ADAMTS2: variants seen among roughly 807,000 people sequenced by gnomAD.
ADAMTS2 encodes ADAM metallopeptidase with thrombospondin type 1 motif 2.
Under a neutral mutation model 123.0 loss-of-function variants are expected in ADAMTS2, and 50 were observed. The observed-to-expected ratio is 0.41, with a 90% CI of 0.32 to 0.51. The LOEUF is 0.51. Ranked by LOEUF, ADAMTS2 falls within the 20% of genes least tolerant of loss-of-function variation. The pLI is 0.35. For synonymous variants in ADAMTS2, 678 were observed against 695.4 expected, an observed-to-expected ratio of 0.98 and a Z score of 0.39; for missense variants, 1,494 against 1,705.2, an observed-to-expected ratio of 0.88 and a Z score of 2.18.
At chr5:179,329,288 C>T (rs576410783) in intron 2 of ADAMTS2, among the ~76,000 whole-genome samples, 72 of 148,962 alleles carry the variant, frequency 4.8e-4, no homozygotes, top group African/African-American at 1.7e-3. Context: ...GATAGTGCCA[C>T]TGCGCTCCAG....
chr5:179,321,265 C>T (rs371030241), intron 2 of ADAMTS2, among the ~76,000 whole-genome samples: 18 of 152,296 alleles, frequency 1.2e-4, no homozygotes, highest in Non-Finnish European at 1.8e-4. Context: ...TCTACACAAG[C>T]GCACACGTAA....
chr5:179,153,189 T>C (rs1763395905), intron 9 of ADAMTS2, among the ~76,000 whole-genome samples: 1 of 152,098 alleles, frequency 6.6e-6, no homozygotes, highest in Admixed American at 6.5e-5. Flanking sequence ...CCTGCAGGCC[T>C]CCCTTCTTCC....
At position 179,303,896 on chromosome 5, in the gene ADAMTS2, G is replaced by A. The variant is rs1468322151; in HGVS notation, c.535-30832C>T. ...ATTTAACAAGGAGCCGCAGGAAACT[G>A]GACAGGGCTAGGAAGATGGCAGAGA... is the stretch of plus-strand genomic sequence containing the variant. On this transcript the variant is annotated intron_variant, in intron 2 of 21. Transcript: ENST00000251582. This position sits in a 1 kb window ranked among gnomAD's most constrained non-coding sequence, Gnocchi z 4.7. Among the ~76,000 whole-genome samples, 2 of 152,200 alleles carry A rather than the reference G, an allele frequency of 1.3e-5. No homozygotes were observed. Among genetic ancestry groups the A allele is most frequent in the Non-Finnish European group, 2.9e-5 (2 of 68,042 alleles).
At chr5:179,207,808 C>G in intron 3 of ADAMTS2, 93 bp from the exon 4 acceptor site, 1 of 1,102,346 alleles carries the variant, frequency 9.1e-7, no homozygotes, top group Non-Finnish European at 1.4e-6. Flanking sequence ...TCATTTAAAA[C>G]TCATAGCACC....
intron 2 of ADAMTS2, among the ~76,000 whole-genome samples, chr5:179,338,653 G>A (rs572174491): frequency 1.2e-4 from 18 of 152,344 alleles, no homozygotes; most frequent in African/African-American, 2.4e-4. Context: ...ACCAGGTCAC[G>A]GGGGCCTTGA....
At chr5:179,302,676 T>G (rs1756564422) in intron 2 of ADAMTS2, among the ~76,000 whole-genome samples, 1 of 150,776 alleles carries the variant, frequency 6.6e-6, no homozygotes, top group Non-Finnish European at 1.5e-5. Flanking sequence ...AAAGAGGAAG[T>G]CGACAGAGAG....
chr5:179,205,609 T>G (rs975120698), intron 4 of ADAMTS2, among the ~76,000 whole-genome samples: 1 of 152,212 alleles, frequency 6.6e-6, no homozygotes, highest in Non-Finnish European at 1.5e-5. Context: ...AGAACTCATA[T>G]TGTGAAGGCA....
At chr5:179,121,544 G>A (rs1257489448) in intron 21 of ADAMTS2, 117 bp downstream of exon 21, 8 of 807,412 alleles carry the variant, frequency 9.9e-6, no homozygotes, top group South Asian at 6.5e-5. Flanking sequence ...CCCAGAGCGC[G>A]CCCGCAGAGT....
intron 10 of ADAMTS2, chr5:179,151,184 A>G: frequency 3.0e-6 from 1 of 328,094 alleles, no homozygotes. Context: ...GGCATGAGCC[A>G]CCGCGCCCGG....
intron 4 of ADAMTS2, among the ~76,000 whole-genome samples, chr5:179,203,433 G>A (rs996618654): frequency 1.2e-4 from 18 of 152,216 alleles, no homozygotes; most frequent in Non-Finnish European, 2.4e-4. Context: ...TTTTGCTTTC[G>A]CTCCAGCCAC....
chr5:179,121,503 C>G (rs980617602), intron 21 of ADAMTS2, 158 bp downstream of exon 21: 5 of 548,288 alleles, frequency 9.1e-6, no homozygotes, highest in Non-Finnish European at 1.6e-5. Context: ...GAGCGGACGC[C>G]GAGCTCAGAG....
chr5:179,340,142 G>A (rs1757732433), intron 2 of ADAMTS2, among the ~76,000 whole-genome samples: 1 of 152,250 alleles, frequency 6.6e-6, no homozygotes, highest in Admixed American at 6.5e-5. Flanking sequence ...AGCATCCAGG[G>A]AAGGGCATAC....
rs1336910514 is a variant in ADAMTS2, at chr5:179,285,813, T to C, written c.535-12749A>G. ...GCCAAACTATCAAAAAGCAAGATTT[T>C]TCTTTCTGAGCTTCCATGTCTCACC... On this transcript the variant is annotated intron_variant, in intron 2 of 21. Coordinates refer to ENST00000251582, the MANE Select transcript of ADAMTS2 (RefSeq NM_014244.5). The surrounding 1 kb of genome is among the most constrained non-coding windows in gnomAD (Gnocchi z 4.9). Among the ~76,000 whole-genome samples the C allele has an allele frequency of 2.0e-5, 3 of 152,192 alleles. No homozygotes were observed. The highest frequency in any genetic ancestry group is 2.1e-4 in the South Asian group (1 of 4,832).
At chr5:179,330,132 CAAA>C (rs58696442) in intron 2 of ADAMTS2, among the ~76,000 whole-genome samples, 3 of 96,878 alleles carry the variant, frequency 3.1e-5, no homozygotes, top group Admixed American at 1.0e-4. Context: ...GACTCCGTCT[CAAA>C]AAAAAAAAAA....
In ADAMTS2 at chr5:179,154,799, C is replaced by T. The variant is rs756540143; in HGVS notation, c.1238+15G>A. 5.0e-6 allele frequency: 8 copies of T among 1,599,258 alleles called. 1 individual carries two copies. Among genetic ancestry groups the T allele is most frequent in the African/African-American group, 4.0e-5 (3 of 74,884 alleles). ...GGTGGCCCCTCTGTGCCCCACCCTT[C>T]CCCAGGCCACTTACACGTGGCCAGT... On this transcript the variant is annotated intron_variant, in intron 7 of 21. Transcript: ENST00000251582.
intron 2 of ADAMTS2, among the ~76,000 whole-genome samples, chr5:179,311,422 C>T (rs1230465480): frequency 1.3e-5 from 2 of 152,224 alleles, no homozygotes; most frequent in Non-Finnish European, 2.9e-5. Flanking sequence ...ACAGGGACAT[C>T]CACCTGCCAG....
chr5:179,122,616 G>A, intron 20 of ADAMTS2, 28 bp downstream of exon 20: 2 of 1,548,144 alleles, frequency 1.3e-6, no homozygotes, highest in Non-Finnish European at 1.7e-6. Flanking sequence ...CATGCTGGGA[G>A]CAGGGGCAGG....
chr5:179,135,545 G>C (rs1763051686), intron 13 of ADAMTS2, among the ~76,000 whole-genome samples: 2 of 152,244 alleles, frequency 1.3e-5, no homozygotes, highest in South Asian at 4.1e-4. Flanking sequence ...TGCCCTGCAG[G>C]GTGCAAGGAT....
rs372812055 is a variant in ADAMTS2 at position 179,240,453 on chromosome 5, C to T, written c.688+32458G>A. Among the ~76,000 whole-genome samples the T allele has an allele frequency of 1.5e-4, 23 of 152,224 alleles. 1 individual carries two copies. The East Asian group carries it at 3.3e-3, about 22-fold the overall frequency. Reference sequence around the variant, plus strand: ...AGTGGTGTGAGAGACCGTGACAAGGCGGCAGCATCAATGGCCTGCAGGTTT... The same window carrying T: ...AGTGGTGTGAGAGACCGTGACAAGGTGGCAGCATCAATGGCCTGCAGGTTT... On this transcript the variant is annotated intron_variant, in intron 3 of 21. Transcript: ENST00000251582.
Sources: allele counts gnomAD v4.1 joint callset (sites outside exome capture counted in the v4.1 genomes callset), GRCh38; gene constraint gnomAD v4.1.1; non-coding constraint Gnocchi (gnomAD v3.1); transcripts MANE v1.5; gene names NCBI Gene and HGNC (gene_info 2026-07-23, HGNC 2026-07-21).